The following SIRPA variants were observed in gnomAD, a reference collection of about 807,000 sequenced individuals.
The protein encoded by SIRPA is signal regulatory protein alpha.
Under a neutral mutation model 50.3 loss-of-function variants are expected in SIRPA, and 9 were observed. The ratio of observed to expected loss-of-function variants is 0.18; its 90% CI spans 0.11 to 0.31. The LOEUF (loss-of-function observed/expected upper bound fraction) is 0.31. SIRPA is among the 10% of genes least tolerant of loss of function. The probability of loss-of-function intolerance (pLI) is 1.00; values close to 1 mark genes in which losing one functional copy is unlikely to be tolerated. For synonymous variants in SIRPA, 265 were observed against 284.1 expected (o/e 0.93, Z 0.68); for missense variants, 474 against 661.6 (o/e 0.72, Z 3.11).
intron 2 of SIRPA, among the ~76,000 whole-genome samples, chr20:1,918,602 G>A (rs1284210508): frequency 6.6e-6 from 1 of 151,980 alleles, no homozygotes; most frequent in Non-Finnish European, 1.5e-5. Context: ...GTCGATAATT[G>A]TACCAACCTT....
Position 1,928,919 on chromosome 20 carries a change from A to G in SIRPA, c.1226+1020A>G, listed in dbSNP as rs1382911672. 6.6e-6 allele frequency among the ~76,000 whole-genome samples: 1 copy of G among 152,174 alleles called. No individual in the cohort carries two copies. Among genetic ancestry groups the G allele is most frequent in the Non-Finnish European group, 1.5e-5 (1 of 68,020 alleles). Reference sequence around the variant, plus strand: ...GGCCTCTGATCTTCATCCCCAGCAGAGCAGAGGCAGCACACCATCATCTGC... The same window carrying G: ...GGCCTCTGATCTTCATCCCCAGCAGGGCAGAGGCAGCACACCATCATCTGC... On this transcript the variant is annotated intron_variant, in intron 6 of 7. Coordinates refer to ENST00000358771, the MANE Select transcript of SIRPA (RefSeq NM_001040023.2). This position sits in a 1 kb window ranked among gnomAD's most constrained non-coding sequence, Gnocchi z 4.9.
At chr20:1,926,344 A>G (rs1182782280) in intron 5 of SIRPA, among the ~76,000 whole-genome samples, 2 of 152,264 alleles carry the variant, frequency 1.3e-5, no homozygotes, top group Admixed American at 6.5e-5. Flanking sequence ...AGCCCATCCC[A>G]TGGGATGAAG....
At chr20:1,894,251 CCCCCCCG>C (rs756791816), upstream of SIRPA, 1,290 of 151,912 alleles carry the variant, frequency 8.5e-3, 8 homozygotes, top group Middle Eastern at 0.014. This position sits in a 1 kb window ranked among gnomAD's most constrained non-coding sequence, Gnocchi z 4.0. Flanking sequence ...AAGGCAGACG[CCCCCCCG>C]CCCCCCGCGC....
chr20:1,932,560 G>A lies in SIRPA; in HGVS notation c.1227-2155G>A, dbSNP rs1986353828. Among the ~76,000 whole-genome samples the A allele has an allele frequency of 6.6e-6, 1 of 152,174 alleles. No homozygotes were observed. The highest frequency in any genetic ancestry group is 1.5e-5 in the Non-Finnish European group (1 of 68,034). ...GGCCGAGCTGAGCCTTGGAGCTGGT[G>A]TCACTTGACCACCTTGGAGTGGTTA... is the stretch of plus-strand genomic sequence containing the variant. On this transcript the variant is annotated intron_variant, in intron 6 of 7. Transcript: ENST00000358771. The surrounding 1 kb of genome is among the most constrained non-coding windows in gnomAD (Gnocchi z 6.0).
intron 1 of SIRPA, among the ~76,000 whole-genome samples, chr20:1,901,233 C>T (rs1404597548): frequency 7.7e-6 from 1 of 129,906 alleles, no homozygotes; most frequent in African/African-American, 3.0e-5. Flanking sequence ...TGCAGTGGTG[C>T]GACCTCGGCT....
At chr20:1,931,137 A>C (rs1452703187) in intron 6 of SIRPA, among the ~76,000 whole-genome samples, 1 of 152,214 alleles carries the variant, frequency 6.6e-6, no homozygotes, top group Non-Finnish European at 1.5e-5. Context: ...AGTGTGCTAC[A>C]GAATCCCCAA....
rs548785352 is a variant in SIRPA at position 1,911,410 on chromosome 20, G to T, written c.80-3689G>T. Among the ~76,000 whole-genome samples the T allele has an allele frequency of 2.6e-5, 4 of 152,238 alleles. No individual in the cohort carries two copies. The South Asian group carries it at 8.3e-4, about 32-fold the overall frequency. On this transcript the variant is annotated intron_variant, in intron 1 of 7. Transcript: ENST00000358771. ...CATACTTATTTTCTCTAAATGCCTTGCAATGAACAGGTTTTATTTGCATAA... is the reference window on the plus strand; with the variant it reads ...CATACTTATTTTCTCTAAATGCCTTTCAATGAACAGGTTTTATTTGCATAA...
intron 5 of SIRPA, among the ~76,000 whole-genome samples, chr20:1,926,154 A>G (rs556390021): frequency 1.1e-3 from 172 of 152,242 alleles, no homozygotes; most frequent in Non-Finnish European, 2.2e-3. Context: ...GCTCTGAGAT[A>G]CTGGCCAAGC....
intron 1 of SIRPA, among the ~76,000 whole-genome samples, chr20:1,903,066 C>T (rs1485915694): frequency 1.3e-5 from 2 of 149,680 alleles, no homozygotes; most frequent in South Asian, 2.1e-4. Context: ...GGAGTAGCCA[C>T]GGGGGATAGC....
chr20:1,895,355 G>T (rs573587242), upstream of SIRPA: 10 of 746,104 alleles, frequency 1.3e-5, no homozygotes, highest in East Asian at 1.0e-4. Context: ...AGGGGGGAAG[G>T]GGGGGAGCCT....
rs139684350 is a variant in SIRPA at position 1,930,676 on chromosome 20, C to T, written c.1226+2777C>T. On this transcript the variant is annotated intron_variant, in intron 6 of 7. Transcript: ENST00000358771. ...TGCGATCTTGGCTCACCACAACCTC[C>T]GCTTCCTAGGTTCAGATGATTCTCC... Among the ~76,000 whole-genome samples, 568 of 152,276 alleles carry T rather than the reference C, an allele frequency of 3.7e-3. 3 individuals are homozygous for T. Among genetic ancestry groups the T allele is most frequent in the African/African-American group, 0.013 (528 of 41,548 alleles).
Position 1,933,543 on chromosome 20 carries a change from G to A in SIRPA, c.1227-1172G>A, listed in dbSNP as rs1986411471. Among the ~76,000 whole-genome samples, 1 of 152,186 alleles carries A rather than the reference G, an allele frequency of 6.6e-6. No individual in the cohort carries two copies. The highest frequency in any genetic ancestry group is 1.5e-5 in the Non-Finnish European group (1 of 68,044). ...ACTTGAACCAGCCAGCCAGTGGGAA[G>A]CTCCAGGAGGGCTGGAGGCCAGTAG... is the stretch of plus-strand genomic sequence containing the variant. On this transcript the variant is annotated intron_variant, in intron 6 of 7. Transcript: ENST00000358771. The surrounding 1 kb of genome is among the most constrained non-coding windows in gnomAD (Gnocchi z 4.4).
intron 1 of SIRPA, among the ~76,000 whole-genome samples, chr20:1,905,726 C>T (rs953540968): frequency 2.0e-5 from 3 of 152,206 alleles, no homozygotes; most frequent in African/African-American, 7.2e-5. Flanking sequence ...CTCTGCCGGT[C>T]CCCCGAAGCC....
upstream of SIRPA, among the ~76,000 whole-genome samples, chr20:1,894,987 C>T (rs905324854): frequency 1.2e-4 from 18 of 147,572 alleles, no homozygotes; most frequent in African/African-American, 4.2e-4. This position sits in a 1 kb window ranked among gnomAD's most constrained non-coding sequence, Gnocchi z 4.0. Context: ...GCGGGGGCGG[C>T]TCCGCGCGGC....
At chr20:1,923,789 CCT>C (rs1488100254) in intron 4 of SIRPA, among the ~76,000 whole-genome samples, 7 of 152,204 alleles carry the variant, frequency 4.6e-5, no homozygotes, top group African/African-American at 1.7e-4. Flanking sequence ...CAAGTCAGTG[CCT>C]CTCTCTGGGC....
Position 1,940,564 on chromosome 20 carries a change from GT to G in SIRPA, c.*2997del, listed in dbSNP as rs1004452340. On this transcript the variant is annotated 3_prime_UTR_variant, in exon 8 of 8. Transcript: ENST00000358771. ...CATTAATGATATTAGTGCTAATTAT[GT>G]AATAAAGTTAAGGCATAAATATGTT... The G allele has an allele frequency of 4.6e-5, 7 of 152,152 alleles. No individual in the cohort carries two copies. Among genetic ancestry groups the G allele is most frequent in the South Asian group, 2.1e-4 (1 of 4,834 alleles). The allele number at this position is 152,152 out of a possible 1,614,324, so 9.4% of individuals were successfully genotyped here. A position where few individuals can be genotyped will look rare whatever the true frequency, so the allele number is the denominator to read the frequency against.
At chr20:1,911,803 G>T (rs554761021) in intron 1 of SIRPA, among the ~76,000 whole-genome samples, 1 of 152,238 alleles carries the variant, frequency 6.6e-6, no homozygotes, top group Non-Finnish European at 1.5e-5. Flanking sequence ...CAGGCCCCTG[G>T]ACAGTCGCAT....
chr20:1,899,102 C>T (rs961261833), intron 1 of SIRPA, among the ~76,000 whole-genome samples: 1 of 151,738 alleles, frequency 6.6e-6, no homozygotes, highest in African/African-American at 2.4e-5. Context: ...GGTTTCCCCC[C>T]TCTCTCTCTC....
intron 2 of SIRPA, among the ~76,000 whole-genome samples, chr20:1,916,996 G>C (rs1985344491): frequency 6.6e-6 from 1 of 152,216 alleles, no homozygotes; most frequent in African/African-American, 2.4e-5. Context: ...AAAAGACGTT[G>C]AAGTTCCCAG....
Sources: allele counts gnomAD v4.1 joint callset (sites outside exome capture counted in the v4.1 genomes callset), GRCh38; gene constraint gnomAD v4.1.1; non-coding constraint Gnocchi (gnomAD v3.1); transcripts MANE v1.5; gene names NCBI Gene and HGNC (gene_info 2026-07-23, HGNC 2026-07-21).